FRY: variants seen among roughly 807,000 people sequenced by gnomAD.
The protein encoded by FRY is protein furry homolog.
In FRY, 128 loss-of-function variants were observed where a neutral mutation model predicts 348.4. The ratio of observed to expected loss-of-function variants is 0.37; its 90% CI spans 0.32 to 0.43. The LOEUF (loss-of-function observed/expected upper bound fraction) is 0.43. Ranked by LOEUF, FRY falls within the 20% of genes least tolerant of loss-of-function variation. The pLI, the probability that FRY is intolerant of heterozygous loss-of-function variation, is 1.00. For synonymous variants in FRY, 1,370 were observed against 1,374.7 expected, an observed-to-expected ratio of 1.00 and a Z score of 0.08; for missense variants, 2,736 against 3,695.2, an observed-to-expected ratio of 0.74 and a Z score of 6.73.
chr13:32,122,367 C>T lies in FRY; in HGVS notation c.465-1919C>T, dbSNP rs59717286. Among the ~76,000 whole-genome samples, 1,343 of 151,166 alleles carry T rather than the reference C, an allele frequency of 8.9e-3. 20 individuals are homozygous for T. Among genetic ancestry groups the T allele is most frequent in the African/African-American group, 0.031 (1,268 of 41,090 alleles). ...CTGAGGCGGGATAATGGTGTGAACC[C>T]GGGAGGCGGAGCTTGCAGTGAGCAA... On this transcript the variant is annotated intron_variant, in intron 4 of 60. Transcript: ENST00000542859.
chr13:32,057,502 A>G (rs146870405), intron 1 of FRY, among the ~76,000 whole-genome samples: 125 of 152,288 alleles, frequency 8.2e-4, no homozygotes, highest in South Asian at 6.8e-3. Context: ...GAGTAGTTGT[A>G]TGATCTAACC....
chr13:32,254,519 A>G (rs1345264765), intron 51 of FRY, 125 bp downstream of exon 51: 7 of 1,005,336 alleles, frequency 7.0e-6, no homozygotes, highest in Admixed American at 3.9e-5. Context: ...TGTAAACTTT[A>G]TTTTGAATCA....
chr13:32,229,276 G>A (rs1885781392), intron 40 of FRY, among the ~76,000 whole-genome samples: 2 of 152,152 alleles, frequency 1.3e-5, no homozygotes, highest in South Asian at 2.1e-4. Flanking sequence ...CTAACACCCT[G>A]CGGTCTGGTA....
At chr13:32,212,532 C>A (rs1884745807) in intron 35 of FRY, 150 bp downstream of exon 35, 2 of 652,012 alleles carry the variant, frequency 3.1e-6, no homozygotes. Context: ...CTTTCCAACT[C>A]TACTCAGTAT....
chr13:32,126,660 T>A (rs1427110911), intron 7 of FRY, among the ~76,000 whole-genome samples: 1 of 152,208 alleles, frequency 6.6e-6, no homozygotes, highest in Non-Finnish European at 1.5e-5. Flanking sequence ...TCTCAACTAG[T>A]CTATATGTAG....
intron 23 of FRY, among the ~76,000 whole-genome samples, chr13:32,182,549 T>G (rs1224616649): frequency 6.6e-6 from 1 of 152,206 alleles, no homozygotes; most frequent in Non-Finnish European, 1.5e-5. Context: ...GACTGAAAAT[T>G]TCTTGTGTAC....
rs757484005 is a variant in FRY at position 32,267,257 on chromosome 13, C to T, written c.8034C>T (p.Asp2678=). ...CCGCCTTTCAGCCCGCAGCCTGTGA[C>T]GATGCCGAGGAGGCCTGGCGCAGCC... ...ILAAFQPAAC[D]DAEEAWRSHI... is the part of the protein sequence containing the mutation. Residue 2678 remains aspartate, a synonymous_variant, in exon 55 of 61, where the codon GAC becomes GAT. Coordinates refer to ENST00000542859, the MANE Select transcript of FRY (RefSeq NM_023037.3). 82 of 1,614,050 alleles carry T rather than the reference C, an allele frequency of 5.1e-5. No individual in the cohort carries two copies. The highest frequency in any genetic ancestry group is 6.4e-5 in the Non-Finnish European group (76 of 1,180,030).
chr13:32,062,058 T>C (rs756343504), intron 1 of FRY, among the ~76,000 whole-genome samples: 2 of 152,104 alleles, frequency 1.3e-5, no homozygotes, highest in African/African-American at 2.4e-5. Flanking sequence ...CTATCTCTAA[T>C]GAAATTACTA....
intron 28 of FRY, among the ~76,000 whole-genome samples, chr13:32,189,156 A>T (rs1286276356): frequency 6.6e-6 from 1 of 152,130 alleles, no homozygotes; most frequent in African/African-American, 2.4e-5. Flanking sequence ...TGATTTCACT[A>T]TTCTTCCACC....
intron 40 of FRY, among the ~76,000 whole-genome samples, chr13:32,229,515 C>T (rs1362761383): frequency 6.6e-6 from 1 of 152,188 alleles, no homozygotes; most frequent in Non-Finnish European, 1.5e-5. Flanking sequence ...ATTTAATGTG[C>T]AGGAAGCTTA....
chr13:32,048,231 C>T (rs1873133510), intron 1 of FRY, among the ~76,000 whole-genome samples: 1 of 152,140 alleles, frequency 6.6e-6, no homozygotes, highest in Non-Finnish European at 1.5e-5. Flanking sequence ...CATGTCGCCC[C>T]TCAGTGGATG....
intron 38 of FRY, 36 bp downstream of exon 38, chr13:32,225,072 G>T (rs1244681899): frequency 8.5e-7 from 1 of 1,171,092 alleles, no homozygotes; most frequent in Admixed American, 1.7e-5. Flanking sequence ...TAGCCAATCG[G>T]GTTAAAAATA....
At chr13:32,096,233 T>G (rs1482850958) in intron 2 of FRY, among the ~76,000 whole-genome samples, 1 of 152,230 alleles carries the variant, frequency 6.6e-6, no homozygotes, top group Non-Finnish European at 1.5e-5. Flanking sequence ...TGTTAAAATG[T>G]GAACCTGATT....
chr13:32,225,230 A>G (rs187976497), intron 38 of FRY, among the ~76,000 whole-genome samples, 194 bp downstream of exon 38: 29 of 152,292 alleles, frequency 1.9e-4, no homozygotes, highest in African/African-American at 6.3e-4. Context: ...AAATTGCTCT[A>G]TTTCTACCAT....
chr13:32,034,603 G>T (rs1190190153), intron 1 of FRY, among the ~76,000 whole-genome samples: 2 of 152,132 alleles, frequency 1.3e-5, no homozygotes, highest in African/African-American at 4.8e-5. Flanking sequence ...CTGTCTAGTG[G>T]TTCTCACGGC....
At chr13:32,077,800 C>T (rs1440569187) in intron 1 of FRY, among the ~76,000 whole-genome samples, 1 of 152,074 alleles carries the variant, frequency 6.6e-6, no homozygotes, top group African/African-American at 2.4e-5. Flanking sequence ...ATCCAGTGTC[C>T]AAACTGCAAA....
At chr13:32,079,109 C>A in intron 2 of FRY, 76 bp downstream of exon 2, 2 of 992,464 alleles carry the variant, frequency 2.0e-6, no homozygotes, top group Non-Finnish European at 3.2e-6. Context: ...AACACTATAA[C>A]AAAAGATGGA....
intron 31 of FRY, 85 bp downstream of exon 31, chr13:32,202,612 T>C: frequency 8.4e-7 from 1 of 1,192,600 alleles, no homozygotes; most frequent in Non-Finnish European, 1.3e-6. Context: ...CATGTGATCA[T>C]TTCTTTGCTC....
chr13:32,153,104 T>C, intron 14 of FRY, among the ~76,000 whole-genome samples: 1 of 152,108 alleles, frequency 6.6e-6, no homozygotes, highest in East Asian at 1.9e-4. Context: ...TCTAGTGAGA[T>C]TACAAAAAGG....
Sources: allele counts gnomAD v4.1 joint callset (sites outside exome capture counted in the v4.1 genomes callset), GRCh38; gene constraint gnomAD v4.1.1; transcripts MANE v1.5; gene names NCBI Gene and HGNC (gene_info 2026-07-23, HGNC 2026-07-21).